The following SKAP1 variants were observed in gnomAD, a reference collection of about 807,000 sequenced individuals.
SKAP1 encodes the protein src kinase-associated phosphoprotein 1.
A neutral mutation model predicts 58.5 loss-of-function variants in SKAP1; 44 were observed. That is an observed-to-expected ratio of 0.75 (90% confidence interval 0.59 to 0.97). SKAP1 has a LOEUF of 0.97. Among genes scored for constraint, SKAP1 ranks in the 50% least tolerant of loss-of-function variants. The probability of loss-of-function intolerance (pLI) is 0.00; values close to 1 mark genes in which losing one functional copy is unlikely to be tolerated. For synonymous variants in SKAP1, 127 were observed against 149.7 expected, an observed-to-expected ratio of 0.85 and a Z score of 1.11; for missense variants, 390 against 435.2, an observed-to-expected ratio of 0.90 and a Z score of 0.92.
At chr17:48,190,025 T>C (rs2064517513) in intron 4 of SKAP1, among the ~76,000 whole-genome samples, 1 of 152,044 alleles carries the variant, frequency 6.6e-6, no homozygotes, top group East Asian at 1.9e-4. Context: ...TGCTTAAAAC[T>C]ATCTAAATAT....
intron 4 of SKAP1, among the ~76,000 whole-genome samples, chr17:48,273,422 G>GTTTTT (rs61407419): frequency 3.4e-5 from 5 of 145,874 alleles, no homozygotes; most frequent in Non-Finnish European, 6.1e-5. Context: ...TTTTATCACT[G>GTTTTT]TTTTTTTTTT....
chr17:48,250,272 G>GTTTTTTTTTTT (rs755523173), intron 4 of SKAP1, among the ~76,000 whole-genome samples: 2 of 74,052 alleles, frequency 2.7e-5, no homozygotes, highest in African/African-American at 1.1e-4. Context: ...GCCATAGACA[G>GTTTTTTTTTTT]TTTTTTTTTT....
At chr17:48,323,659 A>G (rs1239892904) in intron 4 of SKAP1, among the ~76,000 whole-genome samples, 1 of 152,156 alleles carries the variant, frequency 6.6e-6, no homozygotes, top group Non-Finnish European at 1.5e-5. Flanking sequence ...ACCATGCCAG[A>G]TCCTAGAGGC....
rs1012304081 is a variant in SKAP1, at chr17:48,261,882, A to C, written c.281-72382T>G. The stretch of plus-strand genomic sequence containing the variant: ...AAAGTTCTGTAAAAGCTCCCCTGAG[A>C]GAGAAAAATCTCTGGAAGTCATTCT... On this transcript the variant is annotated intron_variant, in intron 4 of 12. Transcript: ENST00000336915. 2.7e-5 allele frequency among the ~76,000 whole-genome samples: 4 copies of C among 145,820 alleles called. No homozygotes were observed. The Admixed American group carries it at 2.8e-4, about 10-fold the overall frequency.
chr17:48,355,155 C>G (rs1254403762), intron 3 of SKAP1, among the ~76,000 whole-genome samples: 2 of 152,086 alleles, frequency 1.3e-5, no homozygotes, highest in South Asian at 2.1e-4. Flanking sequence ...TCCTTGACAT[C>G]TATGTGAAGA....
chr17:48,222,105 ACT>A (rs1019721632), intron 4 of SKAP1, among the ~76,000 whole-genome samples: 70 of 152,196 alleles, frequency 4.6e-4, no homozygotes, highest in African/African-American at 1.5e-3. Context: ...AACTCTTACC[ACT>A]CTCTCAGAAA....
chr17:48,198,588 C>T (rs1015588442), intron 4 of SKAP1, among the ~76,000 whole-genome samples: 5 of 150,994 alleles, frequency 3.3e-5, no homozygotes, highest in African/African-American at 1.2e-4. Context: ...ATGTATGCTA[C>T]AGCCTATAGT....
intron 4 of SKAP1, among the ~76,000 whole-genome samples, chr17:48,273,960 C>T (rs979591938): frequency 3.3e-5 from 5 of 152,096 alleles, no homozygotes; most frequent in African/African-American, 1.2e-4. Flanking sequence ...TGCTCTGTCA[C>T]CCAGGCTGGA....
chr17:48,444,134 C>T, the SKAP1 span, among the ~76,000 whole-genome samples: 1 of 99,180 alleles, frequency 1.0e-5, no homozygotes. Flanking sequence ...GTGACTCACG[C>T]CTGTAATCCC....
rs1422239144 is a variant in SKAP1, at chr17:48,156,369, G to T, written c.978+6100C>A. 5.0e-5 allele frequency: 13 copies of T among 259,154 alleles called. No individual in the cohort carries two copies. In the South Asian group the frequency reaches 5.3e-4, roughly 10 times the overall value. 16.1% of individuals were successfully genotyped at this position (259,154 alleles called of 1,614,324 possible). ...GAATTCTGCGGTGGTCGCCGGCATC[G>T]TGGGAAGTAATTTACGAGTCGCAGG... On this transcript the variant is annotated intron_variant, in intron 11 of 12. Coordinates refer to ENST00000336915, the MANE Select transcript of SKAP1 (RefSeq NM_003726.4).
intron 11 of SKAP1, among the ~76,000 whole-genome samples, chr17:48,151,606 T>C (rs1471812826): frequency 6.6e-6 from 1 of 152,238 alleles, no homozygotes; most frequent in Non-Finnish European, 1.5e-5. Flanking sequence ...TCTAGCTGGG[T>C]TCTGTCTTTT....
At chr17:48,136,348 T>C (rs2063698193) in intron 12 of SKAP1, 3 of 152,168 alleles carry the variant, frequency 2.0e-5, no homozygotes, top group Admixed American at 2.0e-4. Context: ...ATTTTTTGTA[T>C]TTTTAATAGA....
intron 4 of SKAP1, among the ~76,000 whole-genome samples, chr17:48,214,930 G>GTAAAGTAAAATAAAATAAAATAAAA (rs2064919581): frequency 7.9e-6 from 1 of 126,880 alleles, no homozygotes; most frequent in Non-Finnish European, 1.6e-5. Context: ...TCAAAATAAA[G>GTAAAGTAAAATAAAATAAAATAAAA]TAAAATAAAA....
chr17:48,404,282 A>G (rs2067541443), intron 1 of SKAP1, among the ~76,000 whole-genome samples: 1 of 151,794 alleles, frequency 6.6e-6, no homozygotes, highest in Admixed American at 6.6e-5. Context: ...GAGAAACCCC[A>G]TCTCTACTAA....
At chr17:48,351,437 T>G (rs981955456) in intron 3 of SKAP1, among the ~76,000 whole-genome samples, 1 of 152,148 alleles carries the variant, frequency 6.6e-6, no homozygotes, top group Non-Finnish European at 1.5e-5. Flanking sequence ...CTCTCTTTTT[T>G]TTTTCCTTTA....
intron 4 of SKAP1, among the ~76,000 whole-genome samples, chr17:48,303,865 G>A (rs1464626414): frequency 2.0e-5 from 3 of 152,146 alleles, no homozygotes; most frequent in Admixed American, 6.5e-5. Flanking sequence ...ACCCTAAGGC[G>A]TACAGGTCAC....
intron 4 of SKAP1, among the ~76,000 whole-genome samples, chr17:48,256,854 A>G (rs1305550393): frequency 6.6e-6 from 1 of 152,114 alleles, no homozygotes; most frequent in Admixed American, 6.6e-5. Flanking sequence ...GGTGAAATAC[A>G]TCTCAATATG....
At chr17:48,281,187 G>A (rs867259719) in intron 4 of SKAP1, among the ~76,000 whole-genome samples, 2 of 151,936 alleles carry the variant, frequency 1.3e-5, no homozygotes, top group Admixed American at 6.6e-5. Flanking sequence ...CACCATGCCC[G>A]GCTAATTTTT....
At chr17:48,444,738 G>A in the SKAP1 span, among the ~76,000 whole-genome samples, 6 of 152,288 alleles carry the variant, frequency 3.9e-5, no homozygotes, top group Non-Finnish European at 5.9e-5. Flanking sequence ...TAGGCTGGAA[G>A]GCTCCTGAGC....
Sources: gnomAD v4.1 joint callset for allele counts (sites outside exome capture counted in the v4.1 genomes callset) on GRCh38, gnomAD v4.1.1 for gene constraint, MANE v1.5 for transcripts, NCBI Gene and HGNC (gene_info 2026-07-23, HGNC 2026-07-21) for gene names.